Variants in RGSL1 observed in about 807,000 individuals in gnomAD.
RGSL1 encodes the protein regulator of G protein signaling protein-like.
RGSL1 carries 97 observed loss-of-function variants against 124.7 expected under a neutral mutation model. That is an observed-to-expected ratio of 0.78 (90% CI 0.66 to 0.92). The LOEUF (loss-of-function observed/expected upper bound fraction) is 0.92, where lower values mean the gene tolerates loss of function less well. Ranked by LOEUF, RGSL1 falls within the 40% of genes least tolerant of loss-of-function variation. The pLI is 0.00. For synonymous variants in RGSL1, 424 were observed against 438.1 expected (o/e 0.97, Z 0.40); for missense variants, 1,233 against 1,288.4 (o/e 0.96, Z 0.66).
At chr1:182,514,389 C>A (rs1415829546) in intron 9 of RGSL1, among the ~76,000 whole-genome samples, 1 of 152,148 alleles carries the variant, frequency 6.6e-6, no homozygotes, top group Non-Finnish European at 1.5e-5. Context: ...ATAAAGTTCG[C>A]CCCCTTCCCT....
intron 8 of RGSL1, among the ~76,000 whole-genome samples, chr1:182,490,986 A>C (rs1655481178): frequency 1.4e-5 from 2 of 145,882 alleles, no homozygotes; most frequent in Admixed American, 1.4e-4. Context: ...GACTTCCCAG[A>C]CTCAAGCGAA....
At chr1:182,467,417 G>C (rs182812188) in intron 4 of RGSL1, among the ~76,000 whole-genome samples, 3 of 152,142 alleles carry the variant, frequency 2.0e-5, no homozygotes, top group Non-Finnish European at 4.4e-5. Context: ...TACCAAAACA[G>C]AGATATAGAC....
intron 1 of RGSL1, 27 bp from the exon 2 acceptor site, chr1:182,453,930 GT>G (rs1345163339): frequency 2.4e-6 from 3 of 1,241,010 alleles, no homozygotes; most frequent in Non-Finnish European, 2.3e-6. Flanking sequence ...TTCATGTTTT[GT>G]TTTTTTATTT....
chr1:182,536,948 G>C (rs266528), intron 14 of RGSL1, among the ~76,000 whole-genome samples: 1 of 152,212 alleles, frequency 6.6e-6, no homozygotes, highest in East Asian at 1.9e-4. Flanking sequence ...CATACAGTGC[G>C]TTTTTTAGTG....
In RGSL1 at chr1:182,536,469, T is replaced by A. The variant is rs80345707; in HGVS notation, c.2494+3678T>A. Reference sequence around the variant, plus strand: ...ATCCTCACCAACCTTTGGTATTATCTGTCTTTTTAATTTTAGCCATTCTAG... The same window carrying A: ...ATCCTCACCAACCTTTGGTATTATCAGTCTTTTTAATTTTAGCCATTCTAG... On this transcript the variant is annotated intron_variant, in intron 14 of 21. Transcript: ENST00000294854. 5.3e-5 allele frequency among the ~76,000 whole-genome samples: 8 copies of A among 152,370 alleles called. No homozygotes were observed. The East Asian group carries it at 1.2e-3, about 22-fold the overall frequency.
Position 182,548,724 on chromosome 1 carries a change from G to T in RGSL1, c.2833G>T (p.Asp945Tyr). 1.3e-6 allele frequency: 2 copies of T among 1,551,622 alleles called. No homozygotes were observed. Among genetic ancestry groups the T allele is most frequent in the Non-Finnish European group, 8.7e-7 (1 of 1,146,982 alleles). ...LRVNVPEFQK[D>Y]AILAAITEGY... ...GGTGAATGTCCCTGAGTTCCAGAAG[G>T]ATGCCATCCTTGCTGCCATCACAGA... is the stretch of plus-strand genomic sequence containing the variant. Residue 945 changes from aspartate to tyrosine, a missense_variant, in exon 17 of 22, where the codon GAT becomes TAT. Asp to Tyr is a radical substitution (Grantham distance 160). Transcript: ENST00000294854.
chr1:182,511,922 G>A (rs61808251), intron 9 of RGSL1, among the ~76,000 whole-genome samples: 4 of 152,082 alleles, frequency 2.6e-5, no homozygotes, highest in African/African-American at 4.8e-5. Context: ...TTTCATCAGC[G>A]TTTTGTAATT....
At chr1:182,486,980 A>G (rs771770936) in intron 6 of RGSL1, among the ~76,000 whole-genome samples, 1 of 152,198 alleles carries the variant, frequency 6.6e-6, no homozygotes, top group Non-Finnish European at 1.5e-5. Context: ...CGGCCTAGTC[A>G]TAAACCTTTT....
At chr1:182,530,982 T>C (rs1659133212) in intron 13 of RGSL1, 72 bp downstream of exon 13, 4 of 1,478,808 alleles carry the variant, frequency 2.7e-6, no homozygotes, top group Non-Finnish European at 3.6e-6. Context: ...GGTTTTTAAA[T>C]CCCCATTTTG....
intron 9 of RGSL1, among the ~76,000 whole-genome samples, chr1:182,498,110 T>G (rs950851759): frequency 6.6e-6 from 1 of 152,212 alleles, no homozygotes; most frequent in African/African-American, 2.4e-5. Flanking sequence ...GGGGGTGTAC[T>G]TTAAAATTAT....
intron 6 of RGSL1, among the ~76,000 whole-genome samples, chr1:182,483,666 CA>C (rs1262631716): frequency 1.3e-5 from 2 of 151,884 alleles, no homozygotes; most frequent in East Asian, 1.9e-4. Context: ...ATTTTACGTT[CA>C]GGGGTACATA....
chr1:182,481,207 G>A (rs1654678955), intron 6 of RGSL1, among the ~76,000 whole-genome samples: 1 of 145,238 alleles, frequency 6.9e-6, no homozygotes, highest in Non-Finnish European at 1.5e-5. Flanking sequence ...CCTTAGCTAG[G>A]CTTAAAAAAA....
chr1:182,460,238 G>T (rs1652709143), intron 4 of RGSL1, 105 bp downstream of exon 4: 1 of 1,380,606 alleles, frequency 7.2e-7, no homozygotes, highest in African/African-American at 1.5e-5. Context: ...ATGTGTGTGT[G>T]TGTGTGTGTA....
chr1:182,474,022 G>A lies in RGSL1; in HGVS notation c.911G>A (p.Arg304Lys), dbSNP rs1654071487. 5 of 1,551,772 alleles carry A rather than the reference G, an allele frequency of 3.2e-6. No individual in the cohort carries two copies. Among genetic ancestry groups the A allele is most frequent in the Non-Finnish European group, 4.4e-6 (5 of 1,146,990 alleles). Residue 304 changes from arginine to lysine, a missense_variant, in exon 6 of 22, where the codon AGA becomes AAA. Arg to Lys is a conservative substitution (Grantham distance 26). Coordinates refer to ENST00000294854, the MANE Select transcript of RGSL1 (RefSeq NM_001137669.2). ...AAAATGGCTTCTTCAAAGGAAACAAGAATCAGTTCCCTGGAAAAGGATATG... is the reference window on the plus strand; with the variant it reads ...AAAATGGCTTCTTCAAAGGAAACAAAAATCAGTTCCCTGGAAAAGGATATG... Reference protein sequence around the residue: ...SLKMASSKETRISSLEKDMHY... With the variant: ...SLKMASSKETKISSLEKDMHY...
chr1:182,548,599 C>A, intron 16 of RGSL1, 101 bp from the exon 17 acceptor site: 1 of 1,515,920 alleles, frequency 6.6e-7, no homozygotes. Flanking sequence ...AAACCGTATG[C>A]CTTTTGGAGA....
chr1:182,459,442 T>G (rs1481467988), intron 3 of RGSL1, among the ~76,000 whole-genome samples: 1 of 152,186 alleles, frequency 6.6e-6, no homozygotes, highest in African/African-American at 2.4e-5. Flanking sequence ...AGACATTCTA[T>G]TCTGAAGCTT....
intron 15 of RGSL1, among the ~76,000 whole-genome samples, chr1:182,540,934 C>T (rs1024119358): frequency 3.3e-5 from 5 of 152,098 alleles, no homozygotes; most frequent in African/African-American, 1.2e-4. Context: ...CTTGTATAGA[C>T]TATACCCCAA....
chr1:182,545,414 A>G (rs1156307050), intron 15 of RGSL1, among the ~76,000 whole-genome samples: 1 of 152,156 alleles, frequency 6.6e-6, no homozygotes, highest in African/African-American at 2.4e-5. Context: ...TTTAGGCTTC[A>G]TACTAGAGTT....
intron 8 of RGSL1, among the ~76,000 whole-genome samples, chr1:182,491,051 C>A (rs986072797): frequency 3.3e-5 from 5 of 150,762 alleles, no homozygotes; most frequent in Admixed American, 3.3e-4. Context: ...CCACCACACC[C>A]AGCTAATTTT....
Sources: allele counts gnomAD v4.1 joint callset (sites outside exome capture counted in the v4.1 genomes callset), GRCh38; gene constraint gnomAD v4.1.1; transcripts MANE v1.5; gene names NCBI Gene and HGNC (gene_info 2026-07-23, HGNC 2026-07-21).